The following CTBP2 variants were observed in gnomAD, a reference collection of about 807,000 sequenced individuals.
CTBP2 encodes the protein C-terminal binding protein 2.
A neutral mutation model predicts 80.3 loss-of-function variants in CTBP2; 30 were observed. The observed-to-expected ratio is 0.37, with a 90% confidence interval of 0.28 to 0.51. CTBP2 has a LOEUF of 0.51. CTBP2 is among the 20% of genes least tolerant of loss of function. The pLI is 0.93. For missense variants in CTBP2, 1,212 were observed against 1,375.3 expected (o/e 0.88, Z 1.88); for synonymous variants, 594 against 587.4 (o/e 1.01, Z -0.16).
chr10:125,155,036 T>C (rs1161509924), intron 1 of CTBP2, among the ~76,000 whole-genome samples: 1 of 152,196 alleles, frequency 6.6e-6, no homozygotes, highest in Non-Finnish European at 1.5e-5. Context: ...TAAAATCACA[T>C]TTCGAGGGGG....
At position 124,993,869 on chromosome 10, in the gene CTBP2, C is replaced by T; in HGVS notation, c.2517G>A (p.Glu839=). The stretch of plus-strand genomic sequence containing the variant: ...GCAACACGCACCTGAAGGGCTCTGA[C>T]TCATGCACGTCGAGGGCTGCCCCTC... Residue 839 remains glutamate (E), a synonymous_variant, in exon 6 of 9, where the codon GAG becomes GAA. Transcript: ENST00000309035. The T allele has an allele frequency of 6.2e-7, 1 of 1,613,278 alleles. No individual in the cohort carries two copies. The highest frequency in any genetic ancestry group is 8.5e-7 in the Non-Finnish European group (1 of 1,179,930).
At chr10:125,006,280 A>T (rs949455422) in intron 1 of CTBP2, among the ~76,000 whole-genome samples, 6 of 151,972 alleles carry the variant, frequency 3.9e-5, no homozygotes, top group Non-Finnish European at 8.8e-5. Context: ...ATGCTGGGAA[A>T]AGATGCCGGG....
chr10:125,115,314 G>A (rs1338228668), intron 1 of CTBP2, among the ~76,000 whole-genome samples: 4 of 152,290 alleles, frequency 2.6e-5, no homozygotes, highest in African/African-American at 7.2e-5. Context: ...AGGAAGCACC[G>A]TTCACGTTTA....
At chr10:125,086,379 A>C (rs1202777519) in intron 2 of CTBP2, among the ~76,000 whole-genome samples, 1 of 152,124 alleles carries the variant, frequency 6.6e-6, no homozygotes, top group East Asian at 1.9e-4. Flanking sequence ...TAAAAATACA[A>C]AAATTTGTCG....
intron 2 of CTBP2, among the ~76,000 whole-genome samples, chr10:125,049,221 T>G (rs1241942802): frequency 2.6e-5 from 4 of 152,316 alleles, no homozygotes; most frequent in African/African-American, 9.6e-5. Context: ...GGGGCTGGTG[T>G]AGCCCACTAA....
intron 1 of CTBP2, chr10:125,006,155 G>T (rs527461577): frequency 7.1e-4 from 310 of 434,798 alleles, no homozygotes; most frequent in Non-Finnish European, 1.0e-3. Context: ...CCTGATGGCC[G>T]GGCACGCAGA....
intron 2 of CTBP2, among the ~76,000 whole-genome samples, chr10:125,083,792 G>GT (rs1177800560): frequency 6.6e-6 from 1 of 151,934 alleles, no homozygotes; most frequent in Non-Finnish European, 1.5e-5. Flanking sequence ...TTTTTGTTTT[G>GT]TTTTTTTGAG....
At chr10:125,099,330 G>A (rs922203054) in intron 2 of CTBP2, among the ~76,000 whole-genome samples, 1 of 152,218 alleles carries the variant, frequency 6.6e-6, no homozygotes, top group Non-Finnish European at 1.5e-5. Context: ...GCTGTGCAGC[G>A]TCTGGCACGC....
chr10:125,045,945 C>T (rs1961127079), intron 2 of CTBP2, among the ~76,000 whole-genome samples: 1 of 152,054 alleles, frequency 6.6e-6, no homozygotes, highest in African/African-American at 2.4e-5. Context: ...TTCCAAGGGC[C>T]CCACCCTCTA....
chr10:125,015,755 G>C (rs754159259), intron 1 of CTBP2, among the ~76,000 whole-genome samples: 3 of 152,250 alleles, frequency 2.0e-5, no homozygotes, highest in Non-Finnish European at 2.9e-5. Context: ...AACAACAGAA[G>C]GGGATGTTTG....
At chr10:125,094,770 G>A (rs1473164162) in intron 2 of CTBP2, among the ~76,000 whole-genome samples, 1 of 152,118 alleles carries the variant, frequency 6.6e-6, no homozygotes, top group African/African-American at 2.4e-5. Flanking sequence ...CAGTGCCAAA[G>A]TAGAAACTCC....
chr10:125,134,709 C>T (rs894441618), intron 1 of CTBP2, among the ~76,000 whole-genome samples: 1 of 152,132 alleles, frequency 6.6e-6, no homozygotes, highest in Non-Finnish European at 1.5e-5. Context: ...GAGGGTGAAG[C>T]GCCCAGCACC....
intron 6 of CTBP2, 101 bp from the exon 9 acceptor site, chr10:124,993,430 C>A: frequency 7.9e-7 from 1 of 1,271,958 alleles, no homozygotes; most frequent in Non-Finnish European, 1.1e-6. Context: ...AAAGTAGCTA[C>A]ATAGATAGCA....
At chr10:125,153,420 T>G (rs561191120) in intron 1 of CTBP2, among the ~76,000 whole-genome samples, 1 of 152,340 alleles carries the variant, frequency 6.6e-6, no homozygotes, top group East Asian at 1.9e-4. Context: ...CGACTGTGTT[T>G]GCACTTCTAG....
intron 2 of CTBP2, among the ~76,000 whole-genome samples, chr10:125,051,541 G>A (rs980115565): frequency 5.3e-5 from 8 of 152,088 alleles, no homozygotes; most frequent in Non-Finnish European, 8.8e-5. Flanking sequence ...TCAGGAGGCT[G>A]AGGCAGGAGA....
At chr10:125,038,532 T>G (rs1959120336) in intron 3 of CTBP2, among the ~76,000 whole-genome samples, 1 of 152,174 alleles carries the variant, frequency 6.6e-6, no homozygotes, top group Admixed American at 6.5e-5. Context: ...AACAGAACAC[T>G]TCCAGACATT....
At chr10:125,101,365 A>T (rs1483556820) in intron 2 of CTBP2, among the ~76,000 whole-genome samples, 1 of 152,244 alleles carries the variant, frequency 6.6e-6, no homozygotes, top group Admixed American at 6.5e-5. Flanking sequence ...CATTTAAAGG[A>T]GTAGAGACAT....
chr10:125,110,510 C>G (rs1291844558), intron 2 of CTBP2, among the ~76,000 whole-genome samples: 10 of 152,182 alleles, frequency 6.6e-5, no homozygotes. Flanking sequence ...ATCCTAGAGG[C>G]TGGTAACACT....
At chr10:125,087,827 C>T (rs946498578) in intron 2 of CTBP2, among the ~76,000 whole-genome samples, 1 of 152,204 alleles carries the variant, frequency 6.6e-6, no homozygotes, top group African/African-American at 2.4e-5. Flanking sequence ...GCTTATGTGG[C>T]TTTACAAATT....
Sources: gnomAD v4.1 joint callset for allele counts (sites outside exome capture counted in the v4.1 genomes callset) on GRCh38, gnomAD v4.1.1 for gene constraint, MANE v1.5 for transcripts, NCBI Gene and HGNC (gene_info 2026-07-23, HGNC 2026-07-21) for gene names.